The following CSMD1 variants were observed in gnomAD, a reference collection of about 807,000 sequenced individuals.
CSMD1 encodes CUB and Sushi multiple domains 1, also known as CUB and sushi domain-containing protein 1.
Under a neutral mutation model 417.5 loss-of-function variants are expected in CSMD1, and 213 were observed. The ratio of observed to expected loss-of-function variants is 0.51; its 90% CI spans 0.46 to 0.57. The LOEUF is 0.57. Ranked by LOEUF, CSMD1 falls within the 20% of genes least tolerant of loss-of-function variation. The probability of loss-of-function intolerance (pLI) is 0.00; values close to 1 mark genes in which losing one functional copy is unlikely to be tolerated. For missense variants in CSMD1, 6,923 were observed against 4,529.7 expected (o/e 1.53, Z -15.17); for synonymous variants, 2,862 against 1,736.8 (o/e 1.65, Z -16.11).
At position 4,444,221 on chromosome 8, in the gene CSMD1, G is replaced by T. The variant is rs576801925; in HGVS notation, c.303-24156C>A. The stretch of plus-strand genomic sequence containing the variant: ...GCCAGGCATGGTGGCACAGACCTGT[G>T]ATCCCAACTACTCGGGAGGCTGAGG... On this transcript the variant is annotated intron_variant, in intron 2 of 69. Coordinates refer to ENST00000635120, the MANE Select transcript of CSMD1 (RefSeq NM_033225.6). Among the ~76,000 whole-genome samples the T allele has an allele frequency of 3.3e-5, 5 of 151,654 alleles. No homozygotes were observed. In the South Asian group the frequency reaches 8.4e-4, roughly 25 times the overall value.
chr8:4,022,574 CA>C (rs1338396877), intron 4 of CSMD1, among the ~76,000 whole-genome samples: 2 of 152,128 alleles, frequency 1.3e-5, no homozygotes, highest in Non-Finnish European at 2.9e-5. Context: ...GCATTGAGGG[CA>C]CGAGTAAAGA....
At chr8:4,073,563 T>A (rs939709983) in intron 3 of CSMD1, among the ~76,000 whole-genome samples, 1 of 152,138 alleles carries the variant, frequency 6.6e-6, no homozygotes, top group African/African-American at 2.4e-5. Flanking sequence ...ATGCTATTAA[T>A]CCTACAGTAT....
At chr8:3,433,863 G>A (rs1393182619) in intron 12 of CSMD1, among the ~76,000 whole-genome samples, 2 of 152,192 alleles carry the variant, frequency 1.3e-5, no homozygotes, top group Non-Finnish European at 2.9e-5. Flanking sequence ...ACTGGAAATT[G>A]CTTCCTGCTT....
Position 4,066,652 on chromosome 8 carries a change from T to C in CSMD1, c.416-34553A>G, listed in dbSNP as rs187231131. The stretch of plus-strand genomic sequence containing the variant: ...CACTAACAGCTCTTTGTGGATGTTT[T>C]TGCTCATCAAACCAAGAACATTTCT... On this transcript the variant is annotated intron_variant, in intron 3 of 69. Transcript: ENST00000635120. Among the ~76,000 whole-genome samples, 282 of 152,330 alleles carry C rather than the reference T, an allele frequency of 1.9e-3. 2 individuals are homozygous for C. The highest frequency in any genetic ancestry group is 4.8e-3 in the East Asian group (25 of 5,174).
chr8:4,524,653 T>A (rs1270814836), intron 2 of CSMD1, among the ~76,000 whole-genome samples: 1 of 151,424 alleles, frequency 6.6e-6, no homozygotes, highest in African/African-American at 2.4e-5. Context: ...GTCATGTTGA[T>A]GAAATAAATG....
chr8:3,374,897 G>C (rs1480226909), intron 18 of CSMD1, among the ~76,000 whole-genome samples: 1 of 152,178 alleles, frequency 6.6e-6, no homozygotes, highest in Admixed American at 6.5e-5. Flanking sequence ...TGCAGAGTCA[G>C]TTATTGTTGC....
chr8:3,085,121 C>T (rs1814427651), intron 49 of CSMD1, among the ~76,000 whole-genome samples: 2 of 152,168 alleles, frequency 1.3e-5, no homozygotes, highest in African/African-American at 4.8e-5. Flanking sequence ...TCCACTTTAA[C>T]AATGGTCAGG....
At chr8:4,970,966 C>G (rs906938193) in intron 1 of CSMD1, among the ~76,000 whole-genome samples, 2 of 152,020 alleles carry the variant, frequency 1.3e-5, no homozygotes, top group Admixed American at 1.3e-4. Flanking sequence ...AGTGTGTTTA[C>G]AGAAGAATAA....
chr8:4,581,595 G>A (rs1799420595), intron 2 of CSMD1, among the ~76,000 whole-genome samples: 1 of 152,204 alleles, frequency 6.6e-6, no homozygotes, highest in Admixed American at 6.5e-5. Context: ...ACACATTTTA[G>A]AAGAGACTAT....
At chr8:3,563,510 T>C (rs1195202930) in intron 10 of CSMD1, among the ~76,000 whole-genome samples, 1 of 86,512 alleles carries the variant, frequency 1.2e-5, no homozygotes, top group South Asian at 3.3e-4. Flanking sequence ...CCAAAGAAAA[T>C]AGGTATTTAC....
At chr8:3,838,396 G>T (rs1315363744) in intron 5 of CSMD1, among the ~76,000 whole-genome samples, 1 of 126,162 alleles carries the variant, frequency 7.9e-6, no homozygotes, top group Non-Finnish European at 1.7e-5. Flanking sequence ...TATATATATA[G>T]CCTATATATA....
chr8:4,630,745 G>C (rs1008279201), intron 2 of CSMD1, among the ~76,000 whole-genome samples: 7 of 152,070 alleles, frequency 4.6e-5, no homozygotes, highest in African/African-American at 1.7e-4. Context: ...ATAACCTGTT[G>C]AACCAGGTTT....
intron 3 of CSMD1, among the ~76,000 whole-genome samples, chr8:4,052,445 G>T (rs1033543852): frequency 6.6e-6 from 1 of 152,134 alleles, no homozygotes; most frequent in African/African-American, 2.4e-5. Context: ...GTAGTGAGGG[G>T]TGATTTTGCC....
At chr8:3,613,702 AAC>A (rs61391436) in intron 8 of CSMD1, among the ~76,000 whole-genome samples, 7,086 of 144,802 alleles carry the variant, frequency 0.049, 521 homozygotes, top group East Asian at 0.29. Context: ...GTCAGATTAA[AAC>A]ACACACACAC....
At chr8:3,422,649 T>G (rs76325237) in intron 12 of CSMD1, among the ~76,000 whole-genome samples, 2,105 of 152,320 alleles carry the variant, frequency 0.014, 41 homozygotes, top group Middle Eastern at 0.051. Flanking sequence ...ATTAAATATT[T>G]CAAATCTATT....
At chr8:4,879,415 T>C (rs2116948505) in intron 1 of CSMD1, among the ~76,000 whole-genome samples, 1 of 152,206 alleles carries the variant, frequency 6.6e-6, no homozygotes, top group East Asian at 1.9e-4. Flanking sequence ...TGAATTGATA[T>C]GAAGAAGAAT....
chr8:2,967,537 T>C (rs1804073682), intron 57 of CSMD1, among the ~76,000 whole-genome samples: 1 of 152,164 alleles, frequency 6.6e-6, no homozygotes, highest in Non-Finnish European at 1.5e-5. Flanking sequence ...TACACTTTTT[T>C]TTTTCCCTTT....
intron 3 of CSMD1, among the ~76,000 whole-genome samples, chr8:4,054,896 C>A (rs1452207032): frequency 6.6e-6 from 1 of 152,104 alleles, no homozygotes; most frequent in South Asian, 2.1e-4. Flanking sequence ...GCTACGTCTG[C>A]CTGTGCCCTG....
intron 5 of CSMD1, among the ~76,000 whole-genome samples, chr8:3,892,950 C>G (rs1240072714): frequency 7.4e-6 from 1 of 135,242 alleles, no homozygotes; most frequent in Non-Finnish European, 1.6e-5. Context: ...GAAGTTTTCT[C>G]AAGTCTGACC....
Sources: allele counts gnomAD v4.1 joint callset (sites outside exome capture counted in the v4.1 genomes callset), GRCh38; gene constraint gnomAD v4.1.1; transcripts MANE v1.5; gene names NCBI Gene and HGNC (gene_info 2026-07-23, HGNC 2026-07-21).